C3orf52: variants seen among roughly 807,000 people sequenced by gnomAD.
C3orf52 encodes the protein TPA-induced transmembrane protein.
In C3orf52, 22 loss-of-function variants were observed where a neutral mutation model predicts 24.8. The ratio of observed to expected loss-of-function variants is 0.89; its 90% CI spans 0.63 to 1.27. The LOEUF (loss-of-function observed/expected upper bound fraction) is 1.27. Ranked by LOEUF, C3orf52 falls within the 50% of genes most tolerant of loss-of-function variation. The probability of loss-of-function intolerance (pLI) is 0.00; values close to 1 mark genes in which losing one functional copy is unlikely to be tolerated. For missense variants in C3orf52, 265 were observed against 260.7 expected (o/e 1.02, Z -0.11); for synonymous variants, 93 against 100.2 (o/e 0.93, Z 0.43).
Position 112,128,068 on chromosome 3 carries a change from T to C in C3orf52, c.*47-165T>C, listed in dbSNP as rs368733971. On this transcript the variant is annotated intron_variant, in intron 4 of 4. Transcript: ENST00000480282. The stretch of plus-strand genomic sequence containing the variant: ...GATATGGTGATCCCAGCATCTAAAA[T>C]ACCCAAGAGAGATGGCAAATCATAA... 8.1e-6 allele frequency: 13 copies of C among 1,612,856 alleles called. No homozygotes were observed. In the African/African-American group the frequency reaches 1.5e-4, roughly 18 times the overall value.
chr3:112,123,323 C>G (rs1481040202), intron 4 of C3orf52: 3 of 1,478,022 alleles, frequency 2.0e-6, no homozygotes, highest in Non-Finnish European at 1.8e-6. Flanking sequence ...GTATACAAAC[C>G]ATGCTCTGCA....
At chr3:112,106,895 C>G (rs574308742) in intron 3 of C3orf52, among the ~76,000 whole-genome samples, 1 of 152,276 alleles carries the variant, frequency 6.6e-6, no homozygotes, top group South Asian at 2.1e-4. Flanking sequence ...GCATCAGACT[C>G]AGCTAATCAA....
intron 3 of C3orf52, among the ~76,000 whole-genome samples, chr3:112,105,030 A>G (rs2074010712): frequency 6.6e-6 from 1 of 152,188 alleles, no homozygotes; most frequent in African/African-American, 2.4e-5. Flanking sequence ...AAGGTAAATG[A>G]ATGTTCATTT....
downstream of C3orf52, chr3:112,119,458 T>G: frequency 1.4e-6 from 1 of 702,578 alleles, no homozygotes; most frequent in Non-Finnish European, 2.6e-6. Flanking sequence ...TCAGAGGACG[T>G]TTTTTTGTAG....
chr3:112,097,151 CTCAAAG>C (rs1283131798), intron 2 of C3orf52, among the ~76,000 whole-genome samples: 2 of 152,120 alleles, frequency 1.3e-5, no homozygotes, highest in Non-Finnish European at 2.9e-5. Flanking sequence ...TCATCTTTTT[CTCAAAG>C]TCATTTTCTT....
At chr3:112,125,426 A>G (rs1377126594) in intron 4 of C3orf52, among the ~76,000 whole-genome samples, 3 of 152,204 alleles carry the variant, frequency 2.0e-5, no homozygotes, top group African/African-American at 7.2e-5. Context: ...CATCTAAACA[A>G]GTCACAGCTA....
rs550837752 is a variant in C3orf52, at chr3:112,115,789, C to T, written c.650-853C>T. On this transcript the variant is annotated intron_variant, in intron 5 of 5. Coordinates refer to ENST00000264848, the MANE Select transcript of C3orf52 (RefSeq NM_024616.3). ...CTTCTCATTCTCTAATTTGGAAATA[C>T]GGCGATTATTTTGACCTGACTGCAT... Among the ~76,000 whole-genome samples the T allele has an allele frequency of 8.5e-5, 13 of 152,232 alleles. No homozygotes were observed. The East Asian group carries it at 2.1e-3, about 25-fold the overall frequency.
downstream of C3orf52, chr3:112,134,127 A>G (rs4524248): frequency 1 from 151,664 of 152,352 alleles, 75,494 homozygotes; most frequent in Middle Eastern, 1. Flanking sequence ...GAGACAGCAG[A>G]CTTCAGGGAA....
chr3:112,096,856 C>G (rs940155771), intron 2 of C3orf52, among the ~76,000 whole-genome samples: 12 of 152,194 alleles, frequency 7.9e-5, no homozygotes, highest in Non-Finnish European at 1.8e-4. Context: ...ATGGGTTGGG[C>G]TTGCCCACTA....
At chr3:112,101,377 C>A (rs2073970692) in intron 2 of C3orf52, among the ~76,000 whole-genome samples, 1 of 152,176 alleles carries the variant, frequency 6.6e-6, no homozygotes. Context: ...GAGATCTCAT[C>A]TACTAGGGAA....
intron 4 of C3orf52, among the ~76,000 whole-genome samples, chr3:112,124,909 A>G (rs186584815): frequency 3.9e-5 from 6 of 152,126 alleles, no homozygotes; most frequent in Non-Finnish European, 7.4e-5. Context: ...GGGGGATGGG[A>G]TGGATTATAG....
downstream of C3orf52, among the ~76,000 whole-genome samples, chr3:112,132,410 T>C (rs545049644): frequency 2.4e-4 from 37 of 152,188 alleles, no homozygotes; most frequent in Non-Finnish European, 5.0e-4. Flanking sequence ...GGCACTATTT[T>C]GGTGGCACGG....
chr3:112,112,931 G>C (rs1473887154), intron 4 of C3orf52, 33 bp from the exon 5 acceptor site: 1 of 1,562,878 alleles, frequency 6.4e-7, no homozygotes, highest in Middle Eastern at 1.7e-4. Context: ...GTATGATGCT[G>C]TTTATGTTTT....
At position 112,116,994 on chromosome 3, in the gene C3orf52, C is replaced by A; in HGVS notation, c.*348C>A. 1 of 1,444,372 alleles carries A rather than the reference C, an allele frequency of 6.9e-7. No individual in the cohort carries two copies. The highest frequency in any genetic ancestry group is 9.3e-7 in the Non-Finnish European group (1 of 1,071,702). 89.5% of individuals were successfully genotyped at this position (1,444,372 alleles called of 1,614,324 possible). On this transcript the variant is annotated 3_prime_UTR_variant, in exon 6 of 6. Transcript: ENST00000264848. Reference sequence around the variant, plus strand: ...TTTGAGACAGGGTCTCGTTCTGTCGCTTAGCTGGAGTGCGGTGGCGTGATC... The same window carrying A: ...TTTGAGACAGGGTCTCGTTCTGTCGATTAGCTGGAGTGCGGTGGCGTGATC...
chr3:112,105,289 T>C lies in C3orf52; in HGVS notation c.396+2324T>C, dbSNP rs73853304. Among the ~76,000 whole-genome samples the C allele has an allele frequency of 7.5e-3, 1,148 of 152,342 alleles. 13 individuals carry two copies. Among genetic ancestry groups the C allele is most frequent in the African/African-American group, 0.025 (1,050 of 41,570 alleles). On this transcript the variant is annotated intron_variant, in intron 3 of 5. Transcript: ENST00000264848. Reference sequence around the variant, plus strand: ...AACATTTTAAAAGAATTATCTTATTTACAAATGATCAAAGTAAGGCATAGT... The same window carrying C: ...AACATTTTAAAAGAATTATCTTATTCACAAATGATCAAAGTAAGGCATAGT...
At chr3:112,089,299 G>T (rs2073856611) in intron 1 of C3orf52, among the ~76,000 whole-genome samples, 1 of 152,196 alleles carries the variant, frequency 6.6e-6, no homozygotes, top group Non-Finnish European at 1.5e-5. Context: ...GCCAAGGCAG[G>T]TGGATCATCT....
At chr3:112,125,209 A>G in intron 4 of C3orf52, 1 of 1,510,526 alleles carries the variant, frequency 6.6e-7, no homozygotes, top group Non-Finnish European at 9.2e-7. Flanking sequence ...AAAATAGCTT[A>G]GAGATGTTCT....
intron 4 of C3orf52, 32 bp from the exon 5 acceptor site, chr3:112,112,932 T>C (rs1193667908): frequency 1.3e-6 from 2 of 1,568,688 alleles, no homozygotes; most frequent in Non-Finnish European, 1.7e-6. Flanking sequence ...TATGATGCTG[T>C]TTATGTTTTA....
At chr3:112,133,126 C>T, downstream of C3orf52, 5 of 1,613,924 alleles carry the variant, frequency 3.1e-6, no homozygotes, top group Non-Finnish European at 4.2e-6. Flanking sequence ...CCCATCCTCT[C>T]AGTCCTCTCA....
Sources: gnomAD v4.1 joint callset for allele counts (sites outside exome capture counted in the v4.1 genomes callset) on GRCh38, gnomAD v4.1.1 for gene constraint, MANE v1.5 for transcripts, NCBI Gene and HGNC (gene_info 2026-07-23, HGNC 2026-07-21) for gene names.